Variants in HS6ST3 observed in about 807,000 individuals in gnomAD.
HS6ST3 encodes heparan sulfate 6-O-sulfotransferase 3.
A neutral mutation model predicts 36.7 loss-of-function variants in HS6ST3; 12 were observed. The ratio of observed to expected loss-of-function variants is 0.33; its 90% CI spans 0.21 to 0.53. The LOEUF (loss-of-function observed/expected upper bound fraction) is 0.53. Among genes scored for constraint, HS6ST3 ranks in the 20% least tolerant of loss-of-function variants. The probability of loss-of-function intolerance (pLI) is 0.95; values close to 1 mark genes in which losing one functional copy is unlikely to be tolerated. For missense variants in HS6ST3, 584 were observed against 640.9 expected (o/e 0.91, Z 0.96); for synonymous variants, 240 against 257.5 (o/e 0.93, Z 0.65).
At chr13:96,667,394 A>T (rs1001085213) in intron 1 of HS6ST3, among the ~76,000 whole-genome samples, 3 of 152,128 alleles carry the variant, frequency 2.0e-5, no homozygotes, top group South Asian at 2.1e-4. Context: ...GTTATAGGAT[A>T]AAAAAAGCCC....
At chr13:96,524,538 C>G (rs1367928462) in intron 1 of HS6ST3, among the ~76,000 whole-genome samples, 1 of 152,220 alleles carries the variant, frequency 6.6e-6, no homozygotes, top group Non-Finnish European at 1.5e-5. Flanking sequence ...TTCCCTGCAG[C>G]TTTGTTACAC....
intron 1 of HS6ST3, among the ~76,000 whole-genome samples, chr13:96,215,772 G>A (rs2054422844): frequency 6.6e-6 from 1 of 152,172 alleles, no homozygotes; most frequent in South Asian, 2.1e-4. Context: ...TATGGGCTAT[G>A]GAGTAAGGTT....
intron 1 of HS6ST3, among the ~76,000 whole-genome samples, chr13:96,354,246 T>C (rs2055198767): frequency 6.6e-6 from 1 of 152,190 alleles, no homozygotes; most frequent in South Asian, 2.1e-4. Context: ...AAGTACAGTT[T>C]GGGAACCCTA....
At chr13:96,814,448 C>T (rs1878379663) in intron 1 of HS6ST3, among the ~76,000 whole-genome samples, 1 of 152,110 alleles carries the variant, frequency 6.6e-6, no homozygotes, top group South Asian at 2.1e-4. Flanking sequence ...GGTTCTTCCT[C>T]TCTGGAAGCA....
chr13:96,213,095 C>CG (rs2054406733), intron 1 of HS6ST3, among the ~76,000 whole-genome samples: 1 of 152,108 alleles, frequency 6.6e-6, no homozygotes, highest in South Asian at 2.1e-4. Flanking sequence ...GATTTTTATG[C>CG]AATTTTGTAC....
chr13:96,654,589 C>T (rs1459739908), intron 1 of HS6ST3, among the ~76,000 whole-genome samples: 1 of 152,054 alleles, frequency 6.6e-6, no homozygotes, highest in Non-Finnish European at 1.5e-5. Context: ...GTTACCAGTA[C>T]CGTGCTGTTT....
chr13:96,609,779 A>C (rs912313006), intron 1 of HS6ST3, among the ~76,000 whole-genome samples: 1 of 152,230 alleles, frequency 6.6e-6, no homozygotes, highest in Non-Finnish European at 1.5e-5. Context: ...ATTTTTAATG[A>C]AAATAATTCC....
intron 1 of HS6ST3, among the ~76,000 whole-genome samples, chr13:96,801,081 G>A (rs565140548): frequency 3.3e-5 from 5 of 152,214 alleles, no homozygotes; most frequent in Admixed American, 1.3e-4. Context: ...TCTTTTAGCA[G>A]CATTTGACGC....
chr13:96,254,755 A>G lies in HS6ST3; in HGVS notation c.707+163186A>G, dbSNP rs2054628884. Among the ~76,000 whole-genome samples, 2 of 151,950 alleles carry G rather than the reference A, an allele frequency of 1.3e-5. 1 individual carries two copies. The highest frequency in any genetic ancestry group is 1.3e-4 in the Admixed American group (2 of 15,234). ...ACAGACTCCAGAGAGAAGCTCAGAA[A>G]CAGTCTAGCTTAGCAAAACCAAAGA... On this transcript the variant is annotated intron_variant, in intron 1 of 1. Transcript: ENST00000376705.
chr13:96,832,419 A>G, intron 1 of HS6ST3, 71 bp from the exon 2 acceptor site: 1 of 1,184,322 alleles, frequency 8.4e-7, no homozygotes, highest in South Asian at 1.6e-5. Flanking sequence ...TGCCGATGTA[A>G]AATTATAAAA....
intron 1 of HS6ST3, among the ~76,000 whole-genome samples, chr13:96,356,489 AAC>A: frequency 1.3e-5 from 2 of 152,306 alleles, no homozygotes; most frequent in East Asian, 1.9e-4. Context: ...GCATGAAAAC[AAC>A]ATTAATCTCC....
At chr13:96,415,893 A>C (rs897040912) in intron 1 of HS6ST3, among the ~76,000 whole-genome samples, 1 of 152,248 alleles carries the variant, frequency 6.6e-6, no homozygotes, top group Non-Finnish European at 1.5e-5. Context: ...AGCACTAACA[A>C]AATAAGAGGT....
At chr13:96,360,956 A>AG (rs2055235694) in intron 1 of HS6ST3, among the ~76,000 whole-genome samples, 1 of 151,956 alleles carries the variant, frequency 6.6e-6, no homozygotes, top group Non-Finnish European at 1.5e-5. Context: ...AAAAAAAAAA[A>AG]AAAAAAATGC....
chr13:96,149,240 A>AAG (rs1394758227), intron 1 of HS6ST3, among the ~76,000 whole-genome samples: 1 of 151,894 alleles, frequency 6.6e-6, no homozygotes, highest in Non-Finnish European at 1.5e-5. Context: ...ACAGTAGAAA[A>AAG]CTATTCTTGG....
chr13:96,651,016 T>A (rs2056605460), intron 1 of HS6ST3, among the ~76,000 whole-genome samples: 1 of 152,078 alleles, frequency 6.6e-6, no homozygotes, highest in Non-Finnish European at 1.5e-5. Context: ...TAGTGTTGAC[T>A]TGTCATTATT....
At chr13:96,183,457 G>A (rs1399761372) in intron 1 of HS6ST3, among the ~76,000 whole-genome samples, 1 of 152,120 alleles carries the variant, frequency 6.6e-6, no homozygotes, top group African/African-American at 2.4e-5. Context: ...GTACTTAAGA[G>A]TTATAAATTA....
intron 1 of HS6ST3, among the ~76,000 whole-genome samples, chr13:96,507,351 C>G (rs2056030510): frequency 6.6e-6 from 1 of 152,074 alleles, no homozygotes; most frequent in Admixed American, 6.6e-5. Flanking sequence ...TTTCACTATC[C>G]TTTGTGGTTT....
chr13:96,811,906 G>A (rs970427545), intron 1 of HS6ST3, among the ~76,000 whole-genome samples: 2 of 152,160 alleles, frequency 1.3e-5, no homozygotes, highest in Admixed American at 1.3e-4. Flanking sequence ...CTCAGGCAAT[G>A]GGGAAATCTT....
intron 1 of HS6ST3, among the ~76,000 whole-genome samples, chr13:96,321,503 A>G (rs569765172): frequency 1.3e-5 from 2 of 152,264 alleles, no homozygotes; most frequent in Non-Finnish European, 2.9e-5. Flanking sequence ...TCATCCTCTG[A>G]TCACCATGTC....
Sources: gnomAD v4.1 joint callset for allele counts (sites outside exome capture counted in the v4.1 genomes callset) on GRCh38, gnomAD v4.1.1 for gene constraint, MANE v1.5 for transcripts, NCBI Gene and HGNC (gene_info 2026-07-23, HGNC 2026-07-21) for gene names.